PTPRR: variants seen among roughly 807,000 people sequenced by gnomAD.
The protein encoded by PTPRR is protein tyrosine phosphatase receptor type R, also known as receptor-type tyrosine-protein phosphatase R.
PTPRR carries 38 observed loss-of-function variants against 77.2 expected under a neutral mutation model. That is an observed-to-expected ratio of 0.49 (90% confidence interval 0.38 to 0.65). PTPRR has a LOEUF of 0.65. Ranked by LOEUF, PTPRR falls within the 30% of genes least tolerant of loss-of-function variation. The pLI is 0.00. For missense variants in PTPRR, 744 were observed against 799.2 expected (o/e 0.93, Z 0.83); for synonymous variants, 299 against 283.1 (o/e 1.06, Z -0.57).
At chr12:70,914,895 G>A (rs1011785228) in intron 1 of PTPRR, among the ~76,000 whole-genome samples, 6 of 152,244 alleles carry the variant, frequency 3.9e-5, no homozygotes, top group Middle Eastern at 3.4e-3. Flanking sequence ...TGACTTCTAG[G>A]TAATTTTAAA....
At chr12:70,718,348 C>A (rs1433707787) in intron 6 of PTPRR, among the ~76,000 whole-genome samples, 4 of 151,844 alleles carry the variant, frequency 2.6e-5, no homozygotes, top group African/African-American at 9.7e-5. Context: ...TCACTGCAAT[C>A]GCTGCCTCCT....
chr12:70,731,075 A>AGAGAGAGGAAGGAAGGAGGAAG (rs1889643239), intron 6 of PTPRR, among the ~76,000 whole-genome samples: 3 of 52,800 alleles, frequency 5.7e-5, no homozygotes, highest in African/African-American at 9.9e-5. Flanking sequence ...GAGGAAGGCA[A>AGAGAGAGGAAGGAAGGAGGAAG]GAGAGAGGAA....
At chr12:70,740,816 TAGA>T (rs1248671085) in intron 6 of PTPRR, among the ~76,000 whole-genome samples, 4 of 152,146 alleles carry the variant, frequency 2.6e-5, no homozygotes, top group African/African-American at 9.7e-5. Flanking sequence ...ATGCAATAAG[TAGA>T]AGATTATTAC....
At chr12:70,830,781 A>C (rs1369388997) in intron 2 of PTPRR, among the ~76,000 whole-genome samples, 1 of 152,230 alleles carries the variant, frequency 6.6e-6, no homozygotes, top group Non-Finnish European at 1.5e-5. Context: ...GCAGCTGCTA[A>C]TCAGGGCTCT....
At chr12:70,744,546 G>A (rs923715401) in intron 6 of PTPRR, among the ~76,000 whole-genome samples, 2 of 152,116 alleles carry the variant, frequency 1.3e-5, no homozygotes, top group Non-Finnish European at 2.9e-5. Context: ...TTGTTCCTTG[G>A]CAATACTTTC....
intron 2 of PTPRR, among the ~76,000 whole-genome samples, chr12:70,778,859 T>G (rs1891143716): frequency 6.6e-6 from 1 of 152,208 alleles, no homozygotes; most frequent in Non-Finnish European, 1.5e-5. Flanking sequence ...TTTGTTTGTT[T>G]TTTAGACAGA....
intron 13 of PTPRR, among the ~76,000 whole-genome samples, chr12:70,647,659 T>G (rs1485147747): frequency 1.3e-5 from 2 of 152,230 alleles, no homozygotes; most frequent in Non-Finnish European, 2.9e-5. Context: ...TTAGTGATAT[T>G]TGAGATTAGA....
chr12:70,915,193 A>G (rs76312462), intron 1 of PTPRR, among the ~76,000 whole-genome samples: 91 of 152,344 alleles, frequency 6.0e-4, no homozygotes, highest in African/African-American at 2.0e-3. Context: ...GTCAAAATAT[A>G]TAAGTACTAT....
intron 2 of PTPRR, among the ~76,000 whole-genome samples, chr12:70,817,767 A>G: frequency 6.6e-6 from 1 of 152,256 alleles, no homozygotes; most frequent in Non-Finnish European, 1.5e-5. Context: ...AATAAGAGAT[A>G]CATTTGATAC....
chr12:70,828,992 T>A (rs1892164572), intron 2 of PTPRR, among the ~76,000 whole-genome samples: 2 of 152,254 alleles, frequency 1.3e-5, no homozygotes, highest in Non-Finnish European at 2.9e-5. Context: ...GATGCTTCTT[T>A]CATATTTTCA....
At chr12:70,860,757 C>A (rs1332278006) in intron 2 of PTPRR, among the ~76,000 whole-genome samples, 4 of 152,030 alleles carry the variant, frequency 2.6e-5, no homozygotes, top group Non-Finnish European at 1.5e-5. Context: ...ATTTGAGACA[C>A]AAAATATCTG....
At chr12:70,678,784 T>A (rs1887545356) in intron 10 of PTPRR, among the ~76,000 whole-genome samples, 1 of 152,054 alleles carries the variant, frequency 6.6e-6, no homozygotes, top group Non-Finnish European at 1.5e-5. Flanking sequence ...TTAGTTCAAT[T>A]GATTCTTTTG....
At chr12:70,639,621 G>C in intron 13 of PTPRR, 1 of 559,998 alleles carries the variant, frequency 1.8e-6, no homozygotes, top group Non-Finnish European at 2.3e-6. Flanking sequence ...ATTCTTAGCT[G>C]TATGCATCTT....
intron 1 of PTPRR, among the ~76,000 whole-genome samples, chr12:70,915,467 C>T (rs1261108212): frequency 1.3e-5 from 2 of 152,104 alleles, no homozygotes; most frequent in East Asian, 3.9e-4. Context: ...CTCTTAAGTA[C>T]CAAAGAAGCA....
rs576508545 is a variant in PTPRR, at chr12:70,869,974, A to G, written c.357+22705T>C. ...AACACAGCCATACAGAAGTTCACAAAGAGTTGGACAACCTCTTCTGGTCAG... is the reference window on the plus strand; with the variant it reads ...AACACAGCCATACAGAAGTTCACAAGGAGTTGGACAACCTCTTCTGGTCAG... On this transcript the variant is annotated intron_variant, in intron 2 of 13. Coordinates refer to ENST00000283228, the MANE Select transcript of PTPRR (RefSeq NM_002849.4). Among the ~76,000 whole-genome samples the G allele has an allele frequency of 8.2e-4, 125 of 152,340 alleles. 2 individuals are homozygous for G. In the South Asian group the frequency reaches 0.026, roughly 31 times the overall value.
At chr12:70,892,178 A>T (rs2137116764) in intron 2 of PTPRR, among the ~76,000 whole-genome samples, 1 of 152,190 alleles carries the variant, frequency 6.6e-6, no homozygotes, top group South Asian at 2.1e-4. Flanking sequence ...AATTACTCCC[A>T]ACTCATTTTA....
chr12:70,662,511 C>T lies in PTPRR; in HGVS notation c.1592G>A (p.Arg531Gln), dbSNP rs1355830722. ...SVNECDNYTI[R>Q]NLVLKQGSHT... Reference sequence around the variant, plus strand: ...TAATCTTACCTTTAAGACAAGGTTTCGAATGGTGTAGTTATCACATTCATT... The same window carrying T: ...TAATCTTACCTTTAAGACAAGGTTTTGAATGGTGTAGTTATCACATTCATT... Residue 531 changes from arginine to glutamine, a missense_variant, in exon 11 of 14, where the codon CGA (arginine) becomes CAA (glutamine). Arg to Gln is a conservative substitution (Grantham distance 43). Around this residue, in one of 3 missense-constraint regions of PTPRR, gnomAD observed 170 missense variants for 209.8 expected, o/e 0.81. Transcript: ENST00000283228. 3.1e-6 allele frequency: 5 copies of T among 1,599,942 alleles called. No homozygotes were observed. Among genetic ancestry groups the T allele is most frequent in the Middle Eastern group, 1.7e-4 (1 of 6,042 alleles).
At chr12:70,742,489 GGAT>G (rs1227977056) in intron 6 of PTPRR, among the ~76,000 whole-genome samples, 1 of 152,142 alleles carries the variant, frequency 6.6e-6, no homozygotes, top group African/African-American at 2.4e-5. Context: ...CCAAGTAGCA[GGAT>G]GAGTCCAAGG....
chr12:70,775,373 A>T (rs1264129687), intron 2 of PTPRR, among the ~76,000 whole-genome samples: 1 of 152,230 alleles, frequency 6.6e-6, no homozygotes, highest in East Asian at 1.9e-4. Context: ...CAAAGTAGTT[A>T]AAGCCTATGG....
Sources: allele counts gnomAD v4.1 joint callset (sites outside exome capture counted in the v4.1 genomes callset), GRCh38; gene constraint gnomAD v4.1.1; regional missense constraint gnomAD v4.1.1; transcripts MANE v1.5; gene names NCBI Gene and HGNC (gene_info 2026-07-23, HGNC 2026-07-21).